The following REDIC1 variants were observed in gnomAD, a reference collection of about 807,000 sequenced individuals.
REDIC1 encodes regulator of DNA class I crossover intermediates 1, also known as HEI10 Interacting Protein 1.
the REDIC1 span, among the ~76,000 whole-genome samples, chr12:39,842,984 T>C: frequency 6.6e-6 from 1 of 152,062 alleles, no homozygotes; most frequent in Non-Finnish European, 1.5e-5. Flanking sequence ...CTGTAGGATA[T>C]ATCACACTTC....
chr12:39,781,957 ATCTTGAGTTATGGTTG>A, the REDIC1 span, among the ~76,000 whole-genome samples: 1 of 152,200 alleles, frequency 6.6e-6, no homozygotes, highest in Non-Finnish European at 1.5e-5. Flanking sequence ...GCAATGGATA[ATCTTGAGTTATGGTTG>A]TCTTGTGAAT....
At chr12:39,711,729 ATG>A in the REDIC1 span, among the ~76,000 whole-genome samples, 2,492 of 13,192 alleles carry the variant, frequency 0.19, 163 homozygotes, top group African/African-American at 0.27. Context: ...ATGCACATGC[ATG>A]TGTGTATGTG....
chr12:39,654,599 A>C, the REDIC1 span, among the ~76,000 whole-genome samples: 1 of 152,048 alleles, frequency 6.6e-6, no homozygotes, highest in African/African-American at 2.4e-5. Context: ...AAAAAAAAAA[A>C]AACTGCTTGG....
At chr12:39,894,710 A>G in the REDIC1 span, among the ~76,000 whole-genome samples, 25 of 152,330 alleles carry the variant, frequency 1.6e-4, no homozygotes, top group Admixed American at 1.4e-3. Context: ...CATTAAGTTC[A>G]AAGTCAATCC....
At chr12:39,886,271 T>G in the REDIC1 span, among the ~76,000 whole-genome samples, 1 of 152,186 alleles carries the variant, frequency 6.6e-6, no homozygotes, top group South Asian at 2.1e-4. Context: ...GCTGGCTTGA[T>G]GCGGGCATAT....
the REDIC1 span, among the ~76,000 whole-genome samples, chr12:39,731,991 C>G: frequency 3.3e-5 from 5 of 152,308 alleles, 1 homozygote; most frequent in South Asian, 6.2e-4. Flanking sequence ...ACCTGAGAAG[C>G]CCTTTCATGG....
chr12:39,695,983 T>G, the REDIC1 span, among the ~76,000 whole-genome samples: 6 of 152,060 alleles, frequency 3.9e-5, no homozygotes, highest in African/African-American at 1.5e-4. Flanking sequence ...TTTTCCCAGA[T>G]GTTGTCTAAG....
the REDIC1 span, among the ~76,000 whole-genome samples, chr12:39,794,123 C>CAAAAAA: frequency 1.3e-5 from 1 of 78,372 alleles, no homozygotes; most frequent in Non-Finnish European, 2.3e-5. Flanking sequence ...GGCCAAATTG[C>CAAAAAA]AAAAAAAAAA....
At chr12:39,822,041 G>A in the REDIC1 span, among the ~76,000 whole-genome samples, 1 of 150,876 alleles carries the variant, frequency 6.6e-6, no homozygotes, top group Non-Finnish European at 1.5e-5. Context: ...CTAGCATTAG[G>A]TATATCTCCC....
the REDIC1 span, among the ~76,000 whole-genome samples, chr12:39,792,689 GA>G: frequency 2.0e-5 from 3 of 151,958 alleles, no homozygotes; most frequent in Non-Finnish European, 2.9e-5. Flanking sequence ...CCAAAAGTCA[GA>G]TATAGATACC....
chr12:39,747,840 G>A, the REDIC1 span, among the ~76,000 whole-genome samples: 1 of 152,140 alleles, frequency 6.6e-6, no homozygotes, highest in Admixed American at 6.5e-5. Flanking sequence ...CTTCATAAGT[G>A]AAGGAGAAAT....
the REDIC1 span, among the ~76,000 whole-genome samples, chr12:39,854,322 A>G: frequency 2.0e-5 from 3 of 152,186 alleles, no homozygotes; most frequent in Admixed American, 1.3e-4. Flanking sequence ...TATGAATAAT[A>G]CTTGAATATT....
At chr12:39,719,400 G>A in the REDIC1 span, among the ~76,000 whole-genome samples, 1 of 152,060 alleles carries the variant, frequency 6.6e-6, no homozygotes, top group African/African-American at 2.4e-5. Context: ...ACTGAGGTGG[G>A]CAATTGCTTG....
chr12:39,678,308 C>A, the REDIC1 span, among the ~76,000 whole-genome samples: 2 of 151,958 alleles, frequency 1.3e-5, no homozygotes, highest in African/African-American at 4.8e-5. Context: ...ACTGTGAACA[C>A]CTTTACACAT....
chr12:39,861,642 T>C, the REDIC1 span, among the ~76,000 whole-genome samples: 1 of 152,188 alleles, frequency 6.6e-6, no homozygotes. Flanking sequence ...AGTGTGGAAC[T>C]GAAGGTCATA....
the REDIC1 span, among the ~76,000 whole-genome samples, chr12:39,733,463 A>G: frequency 6.6e-6 from 1 of 151,628 alleles, no homozygotes; most frequent in African/African-American, 2.4e-5. Flanking sequence ...TTCCTGTCAA[A>G]TTCTTTGTCT....
At chr12:39,822,121 C>T in the REDIC1 span, among the ~76,000 whole-genome samples, 1 of 142,800 alleles carries the variant, frequency 7.0e-6, no homozygotes, top group Non-Finnish European at 1.5e-5. Context: ...TTCCTATGTC[C>T]ATGTGTTCTC....
At chr12:39,856,934 G>A in the REDIC1 span, among the ~76,000 whole-genome samples, 8 of 152,106 alleles carry the variant, frequency 5.3e-5, no homozygotes, top group Non-Finnish European at 1.0e-4. Flanking sequence ...TTTATTATAA[G>A]AAAATACACC....
the REDIC1 span, among the ~76,000 whole-genome samples, chr12:39,885,056 CAGTGATATGAATTGTGACTACATTTA>C: frequency 6.6e-6 from 1 of 152,210 alleles, no homozygotes; most frequent in African/African-American, 2.4e-5. Flanking sequence ...TTCTAGATGA[CAGTGATATGAATTGTGACTACATTTA>C]AGAGTTGCCT....
Sources: allele counts gnomAD v4.1 joint callset (sites outside exome capture counted in the v4.1 genomes callset), GRCh38; gene constraint gnomAD v4.1.1; transcripts MANE v1.5; gene names NCBI Gene and HGNC (gene_info 2026-07-23, HGNC 2026-07-21).